Variants in BCAN observed in about 807,000 individuals in gnomAD.
The protein encoded by BCAN is brevican core protein.
A neutral mutation model predicts 92.4 loss-of-function variants in BCAN; 51 were observed. That is an observed-to-expected ratio of 0.55 (90% CI 0.44 to 0.70). BCAN has a LOEUF of 0.70. Ranked by LOEUF, BCAN falls within the 30% of genes least tolerant of loss-of-function variation. The pLI, the probability that BCAN is intolerant of heterozygous loss-of-function variation, is 0.00. For missense variants in BCAN, 1,140 were observed against 1,212.1 expected (o/e 0.94, Z 0.88); for synonymous variants, 501 against 505.2 (o/e 0.99, Z 0.11).
Position 156,647,497 on chromosome 1 carries a change from C to T in BCAN, c.467-11C>T, listed in dbSNP as rs376426435. ...TGCTCACCTGGCTCAGGGGTCCTCT[C>T]TGCCCCACAGGGGTCGTCTTTCTCT... On this transcript the variant is annotated splice_polypyrimidine_tract_variant and intron_variant, in intron 3 of 13. Coordinates refer to ENST00000329117, the MANE Select transcript of BCAN (RefSeq NM_021948.5). This position sits in a 1 kb window ranked among gnomAD's most constrained non-coding sequence, Gnocchi z 4.8. 9 of 1,543,016 alleles carry T rather than the reference C, an allele frequency of 5.8e-6. No homozygotes were observed. The highest frequency in any genetic ancestry group is 2.8e-5 in the African/African-American group (2 of 72,508).
intron 6 of BCAN, chr1:156,649,819 C>T (rs1371976048): frequency 1.6e-5 from 8 of 515,160 alleles, no homozygotes; most frequent in Admixed American, 5.9e-5. Context: ...TGCGGTGTCT[C>T]GGTCCTTCCC....
In BCAN at chr1:156,656,986, A is replaced by G; in HGVS notation, c.2099A>G (p.Tyr700Cys). The G allele has an allele frequency of 6.2e-7, 1 of 1,614,122 alleles. No homozygotes were observed. The highest frequency in any genetic ancestry group is 8.5e-7 in the Non-Finnish European group (1 of 1,179,996). The change falls in exon 10 of 14, where the codon TAC (tyrosine) becomes TGC (cysteine). Residue 700 changes from tyrosine to cysteine, a missense_variant. Physicochemically the swap from Tyr to Cys is radical, Grantham distance 194. Coordinates refer to ENST00000329117, the MANE Select transcript of BCAN (RefSeq NM_021948.5). ...TGGGACGCCTTCCAGGGCGCCTGCT[A>G]CAAGCACTTTTCCACACGAAGGAGC... ...PGWDAFQGACYKHFSTRRSWE... is the reference protein window; with the variant it reads ...PGWDAFQGACCKHFSTRRSWE...
In BCAN at chr1:156,646,818, G is replaced by A. The variant is rs772991754; in HGVS notation, c.109G>A (p.Val37Met). ...GDSSEDRAFRVRIAGDAPLQG... is the reference protein window; with the variant it reads ...GDSSEDRAFRMRIAGDAPLQG... ...GTTCACAGAGGACCGCGCTTTTCGCGTGCGCATCGCGGGCGACGCGCCACT... is the reference window on the plus strand; with the variant it reads ...GTTCACAGAGGACCGCGCTTTTCGCATGCGCATCGCGGGCGACGCGCCACT... The change falls in exon 3 of 14, where the codon GTG (valine) becomes ATG (methionine). Residue 37 changes from valine to methionine, a missense_variant. Transcript: ENST00000329117. The A allele has an allele frequency of 1.3e-6, 2 of 1,567,766 alleles. No individual in the cohort carries two copies. The highest frequency in any genetic ancestry group is 1.7e-6 in the Non-Finnish European group (2 of 1,157,332).
In BCAN at chr1:156,647,727, G is replaced by A. The variant is rs192579530; in HGVS notation, c.641+45G>A. 341 of 1,557,050 alleles carry A rather than the reference G, an allele frequency of 2.2e-4. 1 individual carries two copies. Among genetic ancestry groups the A allele is most frequent in the Middle Eastern group, 1.8e-3 (10 of 5,472 alleles). On this transcript the variant is annotated intron_variant, in intron 4 of 13. Coordinates refer to ENST00000329117, the MANE Select transcript of BCAN (RefSeq NM_021948.5). The surrounding 1 kb of genome is among the most constrained non-coding windows in gnomAD (Gnocchi z 4.8). ...TGGGGCTTCTATTGGCCCCTGAGGT[G>A]GCCATGGCCCCCCTTCTGCTGGGTG...
chr1:156,646,922 G>A lies in BCAN; in HGVS notation c.213G>A (p.Val71=). 6.2e-7 allele frequency: 1 copy of A among 1,612,544 alleles called. No homozygotes were observed. The highest frequency in any genetic ancestry group is 8.5e-7 in the Non-Finnish European group (1 of 1,179,594). The part of the protein sequence containing the change: ...YLRPPPSRRA[V]LGSPRVKWTF... ...GGCCACCGCCGAGCCGCCGGGCTGT[G>A]CTGGGCTCTCCGCGGGTCAAGTGGA... The change falls in exon 3 of 14, where the codon GTG becomes GTA. Residue 71 remains valine, a synonymous_variant. Transcript: ENST00000329117.
chr1:156,659,087 T>A lies in BCAN; in HGVS notation c.2689T>A (p.Trp897Arg). ...ACGTCAGGGGAGGCTACTGGGACGC[T>A]GGAAGGCGCTGTTGATCCCCCCTTC... ...EGRQGRLLGR[W>R]KALLIPPSSP... The change falls in exon 14 of 14, where the codon TGG (tryptophan) becomes AGG (arginine). Residue 897 changes from tryptophan (W) to arginine (R), a missense_variant. By Grantham distance (101) the Trp-to-Arg change is moderately radical. Transcript: ENST00000329117. The A allele has an allele frequency of 6.3e-7, 1 of 1,596,462 alleles. No homozygotes were observed. The highest frequency in any genetic ancestry group is 2.3e-5 in the East Asian group (1 of 44,246).
chr1:156,652,520 G>C lies in BCAN; in HGVS notation c.1570G>C (p.Asp524His). 1 of 1,612,334 alleles carries C rather than the reference G, an allele frequency of 6.2e-7. No homozygotes were observed. Residue 524 changes from aspartate to histidine, a missense_variant, in exon 8 of 14, where the codon GAT becomes CAT. Around this residue, in one of 3 missense-constraint regions of BCAN, gnomAD observed 825 missense variants for 871.8 expected, o/e 0.95. Transcript: ENST00000329117. ...GCAGCCTGGTGCATCACCACTTCCT[G>C]ATGGAGAGTCAGAAGCTTCCAGGCC... Reference protein sequence around the residue: ...VLQPGASPLPDGESEASRPPR... With the variant: ...VLQPGASPLPHGESEASRPPR...
intron 8 of BCAN, chr1:156,653,281 C>T (rs1679237373): frequency 8.8e-7 from 1 of 1,139,292 alleles, no homozygotes; most frequent in Non-Finnish European, 1.1e-6. Context: ...CGCCTGTGTG[C>T]CGTCCCCTTT....
rs1193382260 is a variant in BCAN at position 156,658,984 on chromosome 1, G to A, written c.2629-43G>A. On this transcript the variant is annotated intron_variant, in intron 13 of 13. Transcript: ENST00000329117. The surrounding 1 kb of genome is among the most constrained non-coding windows in gnomAD (Gnocchi z 4.4). ...CAGAGGGCAGGCTCTGAGGAGAGGA[G>A]AAGGAAGAGCCAGGGTGGAGGGTGA... is the stretch of plus-strand genomic sequence containing the variant. 1 of 1,518,498 alleles carries A rather than the reference G, an allele frequency of 6.6e-7. No individual in the cohort carries two copies. Among genetic ancestry groups the A allele is most frequent in the Non-Finnish European group, 9.0e-7 (1 of 1,114,392 alleles). 94.1% of individuals were successfully genotyped at this position (1,518,498 alleles called of 1,614,324 possible). A position where few individuals can be genotyped will look rare whatever the true frequency, so the allele number is the denominator to read the frequency against.
intron 8 of BCAN, among the ~76,000 whole-genome samples, chr1:156,655,805 C>A (rs1679304014): frequency 6.6e-6 from 1 of 152,218 alleles, no homozygotes; most frequent in Non-Finnish European, 1.5e-5. Context: ...CACTTCCATT[C>A]ATTCCACCTG....
chr1:156,647,482 G>T lies in BCAN; in HGVS notation c.467-26G>T. 1 of 1,532,618 alleles carries T rather than the reference G, an allele frequency of 6.5e-7. No individual in the cohort carries two copies. The highest frequency in any genetic ancestry group is 1.4e-5 in the African/African-American group (1 of 72,348). The allele number at this position is 1,532,618 out of a possible 1,614,324, so 94.9% of individuals were successfully genotyped here. On this transcript the variant is annotated intron_variant, in intron 3 of 13. Transcript: ENST00000329117. This position sits in a 1 kb window ranked among gnomAD's most constrained non-coding sequence, Gnocchi z 4.8. ...GGCCAGCGTGCTGGGTGCTCACCTG[G>T]CTCAGGGGTCCTCTCTGCCCCACAG...
chr1:156,646,663 GCCCC>G lies in BCAN; in HGVS notation c.92-137_92-134del, dbSNP rs1678979406. 14 of 1,382,112 alleles carry G rather than the reference GCCCC, an allele frequency of 1.0e-5. No homozygotes were observed. In the Admixed American group the frequency reaches 1.5e-4, roughly 15 times the overall value. The allele number at this position is 1,382,112 out of a possible 1,614,324, so 85.6% of individuals were successfully genotyped here. A position where few individuals can be genotyped will look rare whatever the true frequency, so the allele number is the denominator to read the frequency against. Reference sequence around the variant, plus strand: ...TAGGGCTGCAGGACCCTGGCCCCTGGCCCCTGGCCCCTGGTCCTAGGGGGGCCGG... The same window carrying G: ...TAGGGCTGCAGGACCCTGGCCCCTGGTGGCCCCTGGTCCTAGGGGGGCCGG... On this transcript the variant is annotated intron_variant, in intron 2 of 13. Coordinates refer to ENST00000329117, the MANE Select transcript of BCAN (RefSeq NM_021948.5).
chr1:156,659,109 C>A lies in BCAN; in HGVS notation c.2711C>A (p.Pro904His). The A allele has an allele frequency of 6.3e-7, 1 of 1,585,442 alleles. No homozygotes were observed. The highest frequency in any genetic ancestry group is 2.3e-5 in the East Asian group (1 of 43,940). The part of the protein sequence containing the change: ...LGRWKALLIP[P>H]SSPMPGP ...CGCTGGAAGGCGCTGTTGATCCCCC[C>A]TTCCAGCCCCATGCCAGGTCCCTAG... Residue 904 changes from proline (P) to histidine (H), a missense_variant, in exon 14 of 14, where the codon CCT becomes CAT. Physicochemically the swap from Pro to His is moderately conservative, Grantham distance 77. Transcript: ENST00000329117.
In BCAN at chr1:156,658,940, A is replaced by G. The variant is rs914961723; in HGVS notation, c.2629-87A>G. 41 of 1,381,408 alleles carry G rather than the reference A, an allele frequency of 3.0e-5. No homozygotes were observed. The African/African-American group carries it at 5.6e-4, about 19-fold the overall frequency. 85.6% of individuals were successfully genotyped at this position (1,381,408 alleles called of 1,614,324 possible). On this transcript the variant is annotated intron_variant, in intron 13 of 13. Transcript: ENST00000329117. The surrounding 1 kb of genome is among the most constrained non-coding windows in gnomAD (Gnocchi z 4.4). ...ACATGCAGCCCCATTCTGGGCTCTTACGGGCTGAGCAAGAACATCAGAGGG... is the reference window on the plus strand; with the variant it reads ...ACATGCAGCCCCATTCTGGGCTCTTGCGGGCTGAGCAAGAACATCAGAGGG...
intron 1 of BCAN, chr1:156,644,690 A>G (rs961580330): frequency 1.3e-5 from 2 of 152,322 alleles, no homozygotes; most frequent in Non-Finnish European, 1.5e-5. Flanking sequence ...TGGGAAAAGT[A>G]GGAAATTTCC....
In BCAN at chr1:156,648,120, A is replaced by G. The variant is rs1381572460; in HGVS notation, c.769+10A>G. The G allele has an allele frequency of 1.2e-6, 2 of 1,609,176 alleles. No homozygotes were observed. Among genetic ancestry groups the G allele is most frequent in the Non-Finnish European group, 1.7e-6 (2 of 1,175,898 alleles). ...GCTGAAGACCTAAATGGTGATTAGG[A>G]GTGAGAGGTTCCCAGGGGACAATTT... On this transcript the variant is annotated intron_variant, in intron 5 of 13. Transcript: ENST00000329117.
At position 156,647,079 on chromosome 1, in the gene BCAN, C is replaced by CT. The variant is rs760373716; in HGVS notation, c.371dup (p.Ser125GlufsTer14). The CT allele has an allele frequency of 6.2e-7, 1 of 1,609,652 alleles. No homozygotes were observed. Among genetic ancestry groups the CT allele is most frequent in the South Asian group, 1.1e-5 (1 of 90,884 alleles). The stretch of plus-strand genomic sequence containing the variant: ...GTCGCTCACCGACGTCTCCCTGGCG[C>CT]TGAGCGAGCTGCGCCCCAACGACTC... On this transcript the variant is annotated frameshift_variant, in exon 3 of 14. Transcript: ENST00000329117. LOFTEE classifies it high-confidence loss of function. The surrounding 1 kb of genome is among the most constrained non-coding windows in gnomAD (Gnocchi z 4.8).
At position 156,656,946 on chromosome 1, in the gene BCAN, T is replaced by C; in HGVS notation, c.2059T>C (p.Phe687Leu). 6.2e-7 allele frequency: 1 copy of C among 1,613,726 alleles called. No individual in the cohort carries two copies. The highest frequency in any genetic ancestry group is 1.3e-5 in the African/African-American group (1 of 75,052). Residue 687 changes from phenylalanine (F) to leucine (L), a missense_variant, in exon 10 of 14, where the codon TTC (phenylalanine) becomes CTC (leucine). Physicochemically the swap from Phe to Leu is conservative, Grantham distance 22. Transcript: ENST00000329117. The stretch of plus-strand genomic sequence containing the variant: ...GCCCTTATGTGCCGCAGGCCTCCGC[T>C]TCTGCAACCCCGGCTGGGACGCCTT... The part of the protein sequence containing the change: ...GGDLCDVGLR[F>L]CNPGWDAFQG...
intron 8 of BCAN, 80 bp downstream of exon 8, chr1:156,652,972 A>G: frequency 1.0e-5 from 16 of 1,579,088 alleles, no homozygotes; most frequent in Non-Finnish European, 1.4e-5. Context: ...CCTGACCTGT[A>G]GTCCTTTAAC....
Sources: gnomAD v4.1 joint callset for allele counts (sites outside exome capture counted in the v4.1 genomes callset) on GRCh38, gnomAD v4.1.1 for gene constraint, gnomAD v4.1.1 regional missense constraint, Gnocchi (gnomAD v3.1) non-coding constraint, MANE v1.5 for transcripts, NCBI Gene and HGNC (gene_info 2026-07-23, HGNC 2026-07-21) for gene names.